The following MEF2A variants were observed in gnomAD, a reference collection of about 807,000 sequenced individuals.
MEF2A encodes myocyte enhancer factor 2A.
MEF2A carries 28 observed loss-of-function variants against 55.8 expected under a neutral mutation model. The observed-to-expected ratio is 0.50, with a 90% CI of 0.37 to 0.69. The LOEUF is 0.69. Among genes scored for constraint, MEF2A ranks in the 30% least tolerant of loss-of-function variants. The pLI is 0.00. For synonymous variants in MEF2A, 239 were observed against 227.1 expected (o/e 1.05, Z -0.47); for missense variants, 528 against 626.2 (o/e 0.84, Z 1.67).
intron 4 of MEF2A, among the ~76,000 whole-genome samples, chr15:99,663,658 A>G (rs1340528674): frequency 2.6e-5 from 4 of 152,178 alleles, no homozygotes; most frequent in African/African-American, 9.6e-5. Flanking sequence ...TTAACATGAA[A>G]GAGCATAAGC....
intron 2 of MEF2A, among the ~76,000 whole-genome samples, chr15:99,599,091 T>C (rs932971023): frequency 3.3e-5 from 5 of 152,128 alleles, no homozygotes; most frequent in Admixed American, 2.0e-4. Context: ...AAAACTTACA[T>C]TGGCCTAGGT....
intron 2 of MEF2A, among the ~76,000 whole-genome samples, chr15:99,612,974 G>C (rs2039549092): frequency 6.6e-6 from 1 of 152,014 alleles, no homozygotes; most frequent in Non-Finnish European, 1.5e-5. Context: ...GGGAGAGAGA[G>C]ATTTCTCTAT....
chr15:99,691,389 C>G (rs1249577336), intron 8 of MEF2A, among the ~76,000 whole-genome samples: 3 of 152,068 alleles, frequency 2.0e-5, no homozygotes, highest in African/African-American at 7.2e-5. Context: ...AAGCACTAAA[C>G]TATTTGTTAG....
At chr15:99,609,451 A>G (rs534463839) in intron 2 of MEF2A, among the ~76,000 whole-genome samples, 1 of 152,348 alleles carries the variant, frequency 6.6e-6, no homozygotes, top group African/African-American at 2.4e-5. Flanking sequence ...TAAGTCTATG[A>G]GATTTATATT....
intron 1 of MEF2A, among the ~76,000 whole-genome samples, chr15:99,585,768 C>T (rs1319209631): frequency 1.3e-5 from 2 of 152,202 alleles, no homozygotes; most frequent in African/African-American, 2.4e-5. Context: ...AGGAAACAGA[C>T]TCAAACAGTA....
intron 2 of MEF2A, among the ~76,000 whole-genome samples, chr15:99,610,247 A>G (rs926451765): frequency 6.6e-6 from 1 of 152,174 alleles, no homozygotes; most frequent in Non-Finnish European, 1.5e-5. Flanking sequence ...CTGTACACTG[A>G]AAACTACAAA....
At chr15:99,710,492 C>G (rs1029382390) in intron 10 of MEF2A, 142 bp from the exon 11 acceptor site, 1 of 975,222 alleles carries the variant, frequency 1.0e-6, no homozygotes, top group Middle Eastern at 2.3e-4. Flanking sequence ...ATCCGCCCAT[C>G]TTGGCCTCCC....
intron 3 of MEF2A, among the ~76,000 whole-genome samples, chr15:99,636,295 A>G (rs371797352): frequency 5.3e-5 from 8 of 152,180 alleles, no homozygotes; most frequent in Non-Finnish European, 8.8e-5. Flanking sequence ...TGTCCATGAT[A>G]TGCATTATAA....
chr15:99,690,480 TAGTC>T (rs1359799326), intron 8 of MEF2A, 52 bp downstream of exon 8: 2 of 1,463,248 alleles, frequency 1.4e-6, no homozygotes, highest in South Asian at 1.3e-5. Flanking sequence ...ATTTTATACA[TAGTC>T]AATCTGTAGC....
rs2055094307 is a variant in MEF2A at position 99,690,162 on chromosome 15, C to G, written c.671-79C>G. On this transcript the variant is annotated intron_variant, in intron 7 of 11. Coordinates refer to ENST00000557942, the MANE Select transcript of MEF2A (RefSeq NM_001319206.4). Reference sequence around the variant, plus strand: ...TTATAAAATTTATTTGCAACTCAGACTGGGGAAAACTTGATTTGTTTGTGC... The same window carrying G: ...TTATAAAATTTATTTGCAACTCAGAGTGGGGAAAACTTGATTTGTTTGTGC... 4.3e-6 allele frequency: 6 copies of G among 1,379,548 alleles called. No homozygotes were observed. In the South Asian group the frequency reaches 7.8e-5, roughly 18 times the overall value. 85.5% of individuals were successfully genotyped at this position (1,379,548 alleles called of 1,614,324 possible).
chr15:99,703,853 G>C (rs141151364), intron 9 of MEF2A, among the ~76,000 whole-genome samples: 37 of 152,272 alleles, frequency 2.4e-4, no homozygotes, highest in African/African-American at 8.4e-4. Context: ...GCATGATACA[G>C]CCTGAACCAC....
At chr15:99,644,759 G>A (rs1041828992) in intron 3 of MEF2A, among the ~76,000 whole-genome samples, 2 of 152,190 alleles carry the variant, frequency 1.3e-5, no homozygotes, top group African/African-American at 4.8e-5. Context: ...AAAGTAAAGA[G>A]AGTTCCCTTG....
At position 99,714,510 on chromosome 15, in the gene MEF2A, C is replaced by T. The variant is rs1169417907; in HGVS notation, c.*1739C>T. Reference sequence around the variant, plus strand: ...GCTTTGGTATGCGGGGAGAAACACTCTTAGGGTGCTGGTCCTTGGCATGAC... The same window carrying T: ...GCTTTGGTATGCGGGGAGAAACACTTTTAGGGTGCTGGTCCTTGGCATGAC... On this transcript the variant is annotated 3_prime_UTR_variant, in exon 12 of 12. Transcript: ENST00000557942. The T allele has an allele frequency of 2.0e-5, 3 of 152,144 alleles. No individual in the cohort carries two copies. Among genetic ancestry groups the T allele is most frequent in the Non-Finnish European group, 2.9e-5 (2 of 68,044 alleles). 9.4% of individuals were successfully genotyped at this position (152,144 alleles called of 1,614,324 possible). A position where few individuals can be genotyped will look rare whatever the true frequency, so the allele number is the denominator to read the frequency against.
intron 3 of MEF2A, among the ~76,000 whole-genome samples, chr15:99,634,107 A>G (rs2043368044): frequency 1.3e-5 from 2 of 152,208 alleles, no homozygotes; most frequent in East Asian, 3.8e-4. Flanking sequence ...AGTTTCAAGA[A>G]CAAGTGGTTT....
chr15:99,667,975 A>G (rs924811680), intron 4 of MEF2A, among the ~76,000 whole-genome samples: 28 of 152,314 alleles, frequency 1.8e-4, no homozygotes, highest in African/African-American at 6.7e-4. Context: ...GTTGAAAGGT[A>G]AATATTAGCT....
rs1004978949 is a variant in MEF2A, at chr15:99,566,031, C to T, written c.-298C>T. On this transcript the variant is annotated 5_prime_UTR_variant, in exon 1 of 12. Coordinates refer to ENST00000557942, the MANE Select transcript of MEF2A (RefSeq NM_001319206.4). The stretch of plus-strand genomic sequence containing the variant: ...GAGTCCCGGGCTGAAAGAGGCGGCT[C>T]CGGGCGGCGCGAAGCGCTGGTGGCG... The T allele has an allele frequency of 6.6e-6, 1 of 152,530 alleles. No individual in the cohort carries two copies. The highest frequency in any genetic ancestry group is 2.4e-5 in the African/African-American group (1 of 41,560). The allele number at this position is 152,530 out of a possible 1,614,324, so 9.4% of individuals were successfully genotyped here.
At chr15:99,669,102 G>A (rs1358606379) in intron 4 of MEF2A, among the ~76,000 whole-genome samples, 1 of 152,184 alleles carries the variant, frequency 6.6e-6, no homozygotes, top group African/African-American at 2.4e-5. Context: ...GCATGTAATT[G>A]TTGAACAAAA....
rs191521287 is a variant in MEF2A, at chr15:99,592,892, A to T, written c.-224-5538A>T. Among the ~76,000 whole-genome samples the T allele has an allele frequency of 3.7e-4, 56 of 152,306 alleles. 1 individual carries two copies. Among genetic ancestry groups the T allele is most frequent in the Admixed American group, 2.0e-3 (31 of 15,292 alleles). On this transcript the variant is annotated intron_variant, in intron 1 of 11. Coordinates refer to ENST00000557942, the MANE Select transcript of MEF2A (RefSeq NM_001319206.4). ...GATATGGGTGGGGACAGATATCCAAATCATATCACACACACTGAATGTTAG... is the reference window on the plus strand; with the variant it reads ...GATATGGGTGGGGACAGATATCCAATTCATATCACACACACTGAATGTTAG...
chr15:99,592,353 TC>T (rs1373544112), intron 1 of MEF2A, among the ~76,000 whole-genome samples: 8 of 152,180 alleles, frequency 5.3e-5, no homozygotes, highest in Non-Finnish European at 1.0e-4. Flanking sequence ...TTCACTTTAT[TC>T]ATGCACACAT....
Sources: gnomAD v4.1 joint callset for allele counts (sites outside exome capture counted in the v4.1 genomes callset) on GRCh38, gnomAD v4.1.1 for gene constraint, MANE v1.5 for transcripts, NCBI Gene and HGNC (gene_info 2026-07-23, HGNC 2026-07-21) for gene names.